The following DLGAP1 variants were observed in gnomAD, a reference collection of about 807,000 sequenced individuals.
DLGAP1 encodes DLG associated protein 1.
DLGAP1 carries 11 observed loss-of-function variants against 90.8 expected under a neutral mutation model. That is an observed-to-expected ratio of 0.12 (90% CI 0.08 to 0.20). DLGAP1 has a LOEUF of 0.20. Ranked by LOEUF, DLGAP1 falls within the 10% of genes least tolerant of loss-of-function variation. DLGAP1 has a pLI of 1.00. For missense variants in DLGAP1, 1,050 were observed against 1,333.8 expected, an observed-to-expected ratio of 0.79 and a Z score of 3.31; for synonymous variants, 558 against 540.7, an observed-to-expected ratio of 1.03 and a Z score of -0.44.
intron 7 of DLGAP1, among the ~76,000 whole-genome samples, chr18:3,614,033 T>C (rs2057746979): frequency 1.3e-5 from 2 of 152,008 alleles, no homozygotes; most frequent in South Asian, 4.1e-4. Flanking sequence ...GCGATTCCCC[T>C]GCCTCGGCCT....
At chr18:4,318,720 T>TA (rs2080595719) in intron 1 of DLGAP1, among the ~76,000 whole-genome samples, 1 of 152,266 alleles carries the variant, frequency 6.6e-6, no homozygotes, top group African/African-American at 2.4e-5. Flanking sequence ...CATATTTCAA[T>TA]AAAAAAACTC....
chr18:4,395,534 T>C (rs1162531743), intron 1 of DLGAP1, among the ~76,000 whole-genome samples: 1 of 152,202 alleles, frequency 6.6e-6, no homozygotes, highest in African/African-American at 2.4e-5. Flanking sequence ...GCTGGTTCTC[T>C]GTAAAGATCA....
rs376776689 is a variant in DLGAP1, at chr18:4,078,612, G to T, written c.-159+72568C>A. On this transcript the variant is annotated intron_variant, in intron 2 of 12. Transcript: ENST00000315677. The stretch of plus-strand genomic sequence containing the variant: ...GTTTAGATAAAAAATGAACAAAGAG[G>T]TTCCATAAACTCATATATCAGTGTG... Among the ~76,000 whole-genome samples, 102 of 152,270 alleles carry T rather than the reference G, an allele frequency of 6.7e-4. 2 individuals are homozygous for T. The South Asian group carries it at 0.018, about 27-fold the overall frequency.
chr18:3,637,764 T>G (rs1278415291), intron 7 of DLGAP1, among the ~76,000 whole-genome samples: 1 of 151,534 alleles, frequency 6.6e-6, no homozygotes, highest in Non-Finnish European at 1.5e-5. Flanking sequence ...AAAAAAAAAA[T>G]TCTAGTTATT....
At chr18:4,359,000 A>AT (rs748682114) in intron 1 of DLGAP1, among the ~76,000 whole-genome samples, 9 of 152,336 alleles carry the variant, frequency 5.9e-5, no homozygotes, top group Non-Finnish European at 1.2e-4. Flanking sequence ...GGGAGTTATA[A>AT]TTAACAGCCT....
intron 8 of DLGAP1, among the ~76,000 whole-genome samples, chr18:3,568,209 G>A (rs1233579943): frequency 6.6e-6 from 1 of 152,036 alleles, no homozygotes; most frequent in Non-Finnish European, 1.5e-5. Context: ...TGGAAGTTTT[G>A]AATTTGAAGA....
At chr18:4,159,850 T>C (rs16946130) in intron 1 of DLGAP1, among the ~76,000 whole-genome samples, 6,884 of 152,242 alleles carry the variant, frequency 0.045, 518 homozygotes, top group African/African-American at 0.15. Context: ...TTGTACTTTT[T>C]TTTGGTCTGC....
chr18:4,336,408 G>C (rs1463510034), intron 1 of DLGAP1, among the ~76,000 whole-genome samples: 1 of 152,204 alleles, frequency 6.6e-6, no homozygotes, highest in East Asian at 1.9e-4. Flanking sequence ...AAGCTGGTCT[G>C]AAGGTAGAAA....
chr18:3,914,048 A>C, intron 3 of DLGAP1, among the ~76,000 whole-genome samples: 1 of 151,980 alleles, frequency 6.6e-6, no homozygotes, highest in South Asian at 2.1e-4. Context: ...ATTTTATTTT[A>C]TTTTATTTAT....
chr18:4,186,910 T>C (rs1185618066), intron 1 of DLGAP1, among the ~76,000 whole-genome samples: 1 of 152,312 alleles, frequency 6.6e-6, no homozygotes, highest in African/African-American at 2.4e-5. Context: ...TGGGATGTTT[T>C]TCCATTTGTT....
chr18:4,318,302 C>T (rs1463759987), intron 1 of DLGAP1, among the ~76,000 whole-genome samples: 1 of 152,160 alleles, frequency 6.6e-6, no homozygotes, highest in African/African-American at 2.4e-5. Flanking sequence ...AAATTCAGTG[C>T]ATTTCTATTG....
chr18:3,785,928 C>T (rs1754622982), intron 5 of DLGAP1, among the ~76,000 whole-genome samples: 1 of 152,134 alleles, frequency 6.6e-6, no homozygotes, highest in Non-Finnish European at 1.5e-5. Context: ...AGTGTGCTGG[C>T]TTCCTTCAGC....
At chr18:4,180,865 G>A (rs2077196011) in intron 1 of DLGAP1, among the ~76,000 whole-genome samples, 1 of 152,152 alleles carries the variant, frequency 6.6e-6, no homozygotes. Context: ...TCAGAGCTCT[G>A]CTTGTGGAAG....
At chr18:3,873,531 T>G (rs562790014) in intron 4 of DLGAP1, among the ~76,000 whole-genome samples, 1 of 152,316 alleles carries the variant, frequency 6.6e-6, no homozygotes, top group African/African-American at 2.4e-5. Flanking sequence ...AGCACTTTCA[T>G]AAATTGCATG....
At chr18:3,753,382 A>G (rs1280332796) in intron 5 of DLGAP1, among the ~76,000 whole-genome samples, 1 of 152,114 alleles carries the variant, frequency 6.6e-6, no homozygotes. Context: ...TAATATTTTT[A>G]CTGGTCTCAC....
At chr18:4,375,760 T>C (rs965836464) in intron 1 of DLGAP1, among the ~76,000 whole-genome samples, 2 of 152,140 alleles carry the variant, frequency 1.3e-5, no homozygotes, top group African/African-American at 4.8e-5. Flanking sequence ...TAAGAAGCAA[T>C]AGAATAAAAT....
chr18:3,838,546 C>T (rs537354587), intron 4 of DLGAP1, among the ~76,000 whole-genome samples: 30 of 152,288 alleles, frequency 2.0e-4, no homozygotes, highest in African/African-American at 7.0e-4. Context: ...TTTGTGCTTA[C>T]AGCAATGAGT....
At chr18:4,009,029 G>C (rs539619761) in intron 2 of DLGAP1, among the ~76,000 whole-genome samples, 1 of 152,292 alleles carries the variant, frequency 6.6e-6, no homozygotes, top group Non-Finnish European at 1.5e-5. Context: ...TCAGCCTTTG[G>C]AGTAGCTGGA....
At chr18:4,338,201 A>G (rs929716381) in intron 1 of DLGAP1, among the ~76,000 whole-genome samples, 1 of 152,204 alleles carries the variant, frequency 6.6e-6, no homozygotes, top group African/African-American at 2.4e-5. Flanking sequence ...ATCACAAATA[A>G]TTTCTTGGAA....
Sources: gnomAD v4.1 joint callset for allele counts (sites outside exome capture counted in the v4.1 genomes callset) on GRCh38, gnomAD v4.1.1 for gene constraint, MANE v1.5 for transcripts, NCBI Gene and HGNC (gene_info 2026-07-23, HGNC 2026-07-21) for gene names.